Variants in ZCCHC17 observed in about 807,000 individuals in gnomAD.
ZCCHC17 encodes zinc finger CCHC-type containing 17, also known as zinc finger CCHC domain-containing protein 17.
Under a neutral mutation model 30.6 loss-of-function variants are expected in ZCCHC17, and 18 were observed. The ratio of observed to expected loss-of-function variants is 0.59; its 90% confidence interval spans 0.41 to 0.87. The LOEUF (loss-of-function observed/expected upper bound fraction) is 0.87, where lower values mean the gene tolerates loss of function less well. Ranked by LOEUF, ZCCHC17 falls within the 40% of genes least tolerant of loss-of-function variation. The pLI is 0.00. For synonymous variants in ZCCHC17, 88 were observed against 92.4 expected (o/e 0.95, Z 0.27); for missense variants, 263 against 284.2 (o/e 0.93, Z 0.54).
intron 7 of ZCCHC17, among the ~76,000 whole-genome samples, chr1:31,358,876 C>T (rs1196730559): frequency 6.6e-6 from 1 of 151,992 alleles, no homozygotes; most frequent in African/African-American, 2.4e-5. Flanking sequence ...AGATCACCTG[C>T]AGAGTAAATA....
intron 2 of ZCCHC17, chr1:31,318,075 T>C (rs1646778264): frequency 8.0e-6 from 8 of 998,056 alleles, no homozygotes; most frequent in African/African-American, 6.6e-5. Context: ...TGCAAAGCAT[T>C]TTGAATATTA....
At chr1:31,330,854 T>C (rs1638555144) in intron 3 of ZCCHC17, among the ~76,000 whole-genome samples, 1 of 152,250 alleles carries the variant, frequency 6.6e-6, no homozygotes, top group African/African-American at 2.4e-5. Flanking sequence ...TGTCCTCTAC[T>C]GCATACACGT....
At chr1:31,338,886 C>A in intron 4 of ZCCHC17, 71 bp from the exon 5 acceptor site, 1 of 997,996 alleles carries the variant, frequency 1.0e-6, no homozygotes, top group Non-Finnish European at 1.5e-6. Context: ...AAAACGTTGA[C>A]TCTTAATTTT....
chr1:31,355,582 ATTAC>A (rs1639614559), intron 7 of ZCCHC17, among the ~76,000 whole-genome samples: 1 of 152,228 alleles, frequency 6.6e-6, no homozygotes, highest in Non-Finnish European at 1.5e-5. Flanking sequence ...ATGTCTTCAG[ATTAC>A]TAACAATATT....
chr1:31,304,190 A>T (rs1646388030), intron 1 of ZCCHC17, among the ~76,000 whole-genome samples: 1 of 152,066 alleles, frequency 6.6e-6, no homozygotes, highest in South Asian at 2.1e-4. Flanking sequence ...GTGTACCTCA[A>T]TCCTTGTCGA....
At chr1:31,355,514 T>C (rs1038556400) in intron 7 of ZCCHC17, among the ~76,000 whole-genome samples, 1 of 152,144 alleles carries the variant, frequency 6.6e-6, no homozygotes, top group Admixed American at 6.5e-5. Flanking sequence ...TTCAGAGAAA[T>C]TGACGTAACT....
chr1:31,313,181 G>A (rs1646649097), intron 2 of ZCCHC17, among the ~76,000 whole-genome samples: 2 of 146,536 alleles, frequency 1.4e-5, no homozygotes, highest in African/African-American at 5.0e-5. Context: ...TGGGTTTTAA[G>A]TGATCCTCCC....
intron 7 of ZCCHC17, among the ~76,000 whole-genome samples, chr1:31,357,496 C>T (rs1400106534): frequency 6.6e-6 from 1 of 152,252 alleles, no homozygotes; most frequent in African/African-American, 2.4e-5. Context: ...GTGTGCTAAG[C>T]TCTGTTCTGG....
chr1:31,351,998 G>A (rs1049260801), intron 7 of ZCCHC17, among the ~76,000 whole-genome samples: 1 of 152,110 alleles, frequency 6.6e-6, no homozygotes, highest in Non-Finnish European at 1.5e-5. Context: ...CCTACTTGAC[G>A]TCTACATCTG....
chr1:31,300,788 C>T (rs1646292149), intron 1 of ZCCHC17, among the ~76,000 whole-genome samples: 1 of 151,870 alleles, frequency 6.6e-6, no homozygotes, highest in African/African-American at 2.4e-5. Flanking sequence ...ATATAAAAAT[C>T]AGCTGGGCAT....
intron 6 of ZCCHC17, 136 bp downstream of exon 6, chr1:31,346,876 C>G: frequency 6.6e-7 from 1 of 1,509,038 alleles, no homozygotes; most frequent in Non-Finnish European, 8.9e-7. Context: ...TTTTTTCCAC[C>G]AGACTCACAT....
intron 2 of ZCCHC17, among the ~76,000 whole-genome samples, chr1:31,317,751 T>C (rs1646771821): frequency 6.6e-6 from 1 of 152,216 alleles, no homozygotes; most frequent in South Asian, 2.1e-4. Context: ...TACAGGCACG[T>C]TGCACAGCAC....
intron 3 of ZCCHC17, 79 bp downstream of exon 3, chr1:31,319,245 TA>T: frequency 8.2e-7 from 1 of 1,220,414 alleles, no homozygotes; most frequent in Non-Finnish European, 1.2e-6. Context: ...TTATAGGCTG[TA>T]CATTTTTCAG....
intron 1 of ZCCHC17, among the ~76,000 whole-genome samples, chr1:31,298,289 T>C (rs1484524823): frequency 6.6e-6 from 1 of 152,154 alleles, no homozygotes; most frequent in Non-Finnish European, 1.5e-5. Flanking sequence ...TTCTGGCTTA[T>C]GTAGTTGAAT....
At chr1:31,330,763 A>G (rs764264391) in intron 3 of ZCCHC17, among the ~76,000 whole-genome samples, 5 of 152,208 alleles carry the variant, frequency 3.3e-5, no homozygotes, top group Non-Finnish European at 7.3e-5. Flanking sequence ...TTTGTCAAAG[A>G]GGATTAAATG....
intron 3 of ZCCHC17, among the ~76,000 whole-genome samples, chr1:31,325,065 G>A (rs1638280851): frequency 6.6e-6 from 1 of 152,190 alleles, no homozygotes; most frequent in South Asian, 2.1e-4. Context: ...GGACTTGCCT[G>A]TGGAAATGGG....
chr1:31,333,734 C>T lies in ZCCHC17; in HGVS notation c.125-3441C>T, dbSNP rs180804401. On this transcript the variant is annotated intron_variant, in intron 3 of 7. Transcript: ENST00000344147. ...AAAAAGTTCATTTGAAATCTTTTGT[C>T]ATTTTTTCACTGGTTATATGGAATC... Among the ~76,000 whole-genome samples, 194 of 152,156 alleles carry T rather than the reference C, an allele frequency of 1.3e-3. 3 individuals carry two copies. The highest frequency in any genetic ancestry group is 4.5e-3 in the African/African-American group (186 of 41,506).
chr1:31,298,518 T>A (rs1462437053), intron 1 of ZCCHC17, among the ~76,000 whole-genome samples: 2 of 152,080 alleles, frequency 1.3e-5, no homozygotes, highest in Admixed American at 1.3e-4. Context: ...CCCCAGTAGC[T>A]GGGATTACAG....
chr1:31,337,927 G>A (rs1188477187), intron 4 of ZCCHC17, among the ~76,000 whole-genome samples: 1 of 152,100 alleles, frequency 6.6e-6, no homozygotes, highest in African/African-American at 2.4e-5. Context: ...AGACAAAAAT[G>A]ATCCCAGCTA....
Sources: allele counts gnomAD v4.1 joint callset (sites outside exome capture counted in the v4.1 genomes callset), GRCh38; gene constraint gnomAD v4.1.1; transcripts MANE v1.5; gene names NCBI Gene and HGNC (gene_info 2026-07-23, HGNC 2026-07-21).